The following LRRC37A2 variants were observed in gnomAD, a reference collection of about 807,000 sequenced individuals.
LRRC37A2 encodes the protein leucine rich repeat containing 37 member A2, also known as leucine-rich repeat-containing protein 37A2.
A neutral mutation model predicts 68.8 loss-of-function variants in LRRC37A2; 9 were observed. The observed-to-expected ratio is 0.13, with a 90% confidence interval of 0.08 to 0.23. The LOEUF (loss-of-function observed/expected upper bound fraction) is 0.23. Ranked by LOEUF, LRRC37A2 falls within the 10% of genes least tolerant of loss-of-function variation. The pLI is 1.00. For missense variants in LRRC37A2, 168 were observed against 950.4 expected, an observed-to-expected ratio of 0.18 and a Z score of 10.82; for synonymous variants, 63 against 367.6, an observed-to-expected ratio of 0.17 and a Z score of 9.48.
chr17:46,498,865 C>A, the LRRC37A2 span, among the ~76,000 whole-genome samples: 2 of 150,462 alleles, frequency 1.3e-5, no homozygotes, highest in East Asian at 3.9e-4. Flanking sequence ...CTGAGACTTT[C>A]AATGTATGTA....
At chr17:46,779,052 A>ATCTC in the LRRC37A2 span, among the ~76,000 whole-genome samples, 1 of 22,678 alleles carries the variant, frequency 4.4e-5, no homozygotes, top group African/African-American at 1.6e-4. Context: ...TCCCTACCCC[A>ATCTC]TCACACACAC....
At chr17:46,834,882 C>A in the LRRC37A2 span, among the ~76,000 whole-genome samples, 1 of 152,238 alleles carries the variant, frequency 6.6e-6, no homozygotes, top group Non-Finnish European at 1.5e-5. Flanking sequence ...ACCTTACCCC[C>A]AGAAGCATTC....
chr17:46,995,269 G>A, the LRRC37A2 span, among the ~76,000 whole-genome samples: 1 of 152,130 alleles, frequency 6.6e-6, no homozygotes, highest in East Asian at 1.9e-4. Flanking sequence ...GGGCAGCAGG[G>A]GTATAAATGG....
chr17:46,543,533 T>C (rs1393537755), intron 8 of LRRC37A2, among the ~76,000 whole-genome samples: 3 of 150,914 alleles, frequency 2.0e-5, no homozygotes, highest in Non-Finnish European at 2.9e-5. Flanking sequence ...TGAAGTTCCA[T>C]TGAGTGATGA....
At chr17:47,043,523 T>C in the LRRC37A2 span, among the ~76,000 whole-genome samples, 2 of 151,242 alleles carry the variant, frequency 1.3e-5, no homozygotes, top group Non-Finnish European at 3.0e-5. Context: ...ATGTGGTCTC[T>C]GCCCTCAAAG....
chr17:46,494,844 C>G, the LRRC37A2 span, among the ~76,000 whole-genome samples: 1 of 151,042 alleles, frequency 6.6e-6, no homozygotes, highest in Non-Finnish European at 1.5e-5. Flanking sequence ...AACAAATGTT[C>G]TAGCTATTTT....
chr17:46,922,673 A>C, the LRRC37A2 span: 2 of 157,326 alleles, frequency 1.3e-5, no homozygotes, highest in Admixed American at 6.2e-5. Context: ...CTGGATGGAT[A>C]AATAGGAATG....
chr17:46,750,966 T>A, the LRRC37A2 span, among the ~76,000 whole-genome samples: 1 of 152,232 alleles, frequency 6.6e-6, no homozygotes, highest in Admixed American at 6.5e-5. Flanking sequence ...ATTTAACTTT[T>A]AATATCAATA....
At chr17:46,609,893 A>C in the LRRC37A2 span, among the ~76,000 whole-genome samples, 1 of 140,002 alleles carries the variant, frequency 7.1e-6, no homozygotes, top group Admixed American at 7.4e-5. Flanking sequence ...TGGCGTGATC[A>C]GGGCTCCCTG....
At chr17:46,708,794 A>T in the LRRC37A2 span, among the ~76,000 whole-genome samples, 1 of 105,048 alleles carries the variant, frequency 9.5e-6, no homozygotes, top group Non-Finnish European at 2.0e-5. Flanking sequence ...GCACTTGGCC[A>T]CCATTTATTT....
At chr17:46,841,938 G>A in the LRRC37A2 span, among the ~76,000 whole-genome samples, 1 of 152,216 alleles carries the variant, frequency 6.6e-6, no homozygotes, top group Non-Finnish European at 1.5e-5. Context: ...TCCCTGCCGC[G>A]CCGAGCGTCC....
chr17:47,021,753 T>C, the LRRC37A2 span: 2 of 878,224 alleles, frequency 2.3e-6, no homozygotes, highest in Admixed American at 2.1e-5. Context: ...TTATTTTCTG[T>C]TTCTGAATAT....
chr17:46,716,261 C>CT, the LRRC37A2 span, among the ~76,000 whole-genome samples: 95,825 of 143,728 alleles, frequency 0.67, 32,821 homozygotes, highest in South Asian at 0.82. Context: ...CTTGCCCCTC[C>CT]TTTTTTTTTT....
the LRRC37A2 span, among the ~76,000 whole-genome samples, chr17:47,007,105 C>A: frequency 5.3e-5 from 8 of 152,182 alleles, no homozygotes; most frequent in African/African-American, 1.9e-4. Flanking sequence ...CAGCTCACTG[C>A]CAGTGCTCAT....
chr17:46,884,055 A>G, the LRRC37A2 span, among the ~76,000 whole-genome samples: 1 of 152,080 alleles, frequency 6.6e-6, no homozygotes, highest in Non-Finnish European at 1.5e-5. Flanking sequence ...GGGCAGAGGC[A>G]CGGGAGAACC....
In LRRC37A2 at chr17:46,549,164, T is replaced by C. The variant is rs551368559; in HGVS notation, c.4025T>C (p.Leu1342Pro). 87 of 1,611,236 alleles carry C rather than the reference T, an allele frequency of 5.4e-5. 1 individual carries two copies. Among genetic ancestry groups the C allele is most frequent in the Admixed American group, 1.8e-4 (11 of 59,832 alleles). The change falls in exon 10 of 15, where the codon CTT (leucine) becomes CCT (proline). Residue 1342 changes from leucine to proline, a missense_variant. By Grantham distance (98) the Leu-to-Pro change is moderately conservative (BLOSUM62 -3). Transcript: ENST00000576629. ...AGTAGACTGATGCTCGCAAACAGGC[T>C]TCCATTCTCTGCAGCGAAGAGCCTC...
At chr17:46,828,368 T>C in the LRRC37A2 span, among the ~76,000 whole-genome samples, 1 of 152,040 alleles carries the variant, frequency 6.6e-6, no homozygotes, top group East Asian at 1.9e-4. Flanking sequence ...AGCTAATTTT[T>C]TAAAATTTTT....
the LRRC37A2 span, among the ~76,000 whole-genome samples, chr17:47,015,004 A>ATTT: frequency 1.5e-5 from 1 of 65,058 alleles, no homozygotes; most frequent in Non-Finnish European, 3.1e-5. Context: ...TACCATTTTT[A>ATTT]TCTTTTTTTT....
chr17:46,494,636 A>G, the LRRC37A2 span, among the ~76,000 whole-genome samples: 1 of 151,470 alleles, frequency 6.6e-6, no homozygotes, highest in Non-Finnish European at 1.5e-5. Context: ...CCAAGTTCAC[A>G]AAGATTTTCC....
Sources: gnomAD v4.1 joint callset for allele counts (sites outside exome capture counted in the v4.1 genomes callset) on GRCh38, gnomAD v4.1.1 for gene constraint, MANE v1.5 for transcripts, NCBI Gene and HGNC (gene_info 2026-07-23, HGNC 2026-07-21) for gene names.